Variants in DLG2 observed in about 807,000 individuals in gnomAD.
DLG2 encodes discs large MAGUK scaffold protein 2, also known as disks large homolog 2.
Under a neutral mutation model 132.5 loss-of-function variants are expected in DLG2, and 45 were observed. The observed-to-expected ratio is 0.34, with a 90% CI of 0.27 to 0.44. DLG2 has a LOEUF of 0.44. Ranked by LOEUF, DLG2 falls within the 20% of genes least tolerant of loss-of-function variation. DLG2 has a pLI of 1.00. For synonymous variants in DLG2, 424 were observed against 419.6 expected, an observed-to-expected ratio of 1.01 and a Z score of -0.13; for missense variants, 1,045 against 1,196.9, an observed-to-expected ratio of 0.87 and a Z score of 1.87.
chr11:84,358,669 G>C (rs929976081), intron 7 of DLG2, among the ~76,000 whole-genome samples: 1 of 151,794 alleles, frequency 6.6e-6, no homozygotes, highest in African/African-American at 2.4e-5. Context: ...GAAGAGGTGA[G>C]ACATAGTGTC....
In DLG2 at chr11:85,161,662, A is replaced by G. The variant is rs189692581; in HGVS notation, c.187-7011T>C. Among the ~76,000 whole-genome samples, 405 of 152,290 alleles carry G rather than the reference A, an allele frequency of 2.7e-3. 1 individual carries two copies. The highest frequency in any genetic ancestry group is 4.5e-3 in the Non-Finnish European group (307 of 68,020). Reference sequence around the variant, plus strand: ...TGCCTCTGACCAAGGCACTCACTTTACAGCTAAAGAACTGTGATTGTGGGC... The same window carrying G: ...TGCCTCTGACCAAGGCACTCACTTTGCAGCTAAAGAACTGTGATTGTGGGC... On this transcript the variant is annotated intron_variant, in intron 4 of 27. Transcript: ENST00000376104.
chr11:84,171,470 A>G (rs1292214637), intron 8 of DLG2, among the ~76,000 whole-genome samples: 1 of 152,146 alleles, frequency 6.6e-6, no homozygotes, highest in African/African-American at 2.4e-5. Context: ...ATAAGTGAGA[A>G]TATGTGGTAT....
rs150319387 is a variant in DLG2, at chr11:85,371,426, T to C, written c.41-86061A>G. Among the ~76,000 whole-genome samples the C allele has an allele frequency of 4.4e-4, 67 of 152,348 alleles. 1 individual carries two copies. The East Asian group carries it at 0.012, about 26-fold the overall frequency. ...TTGGTTACTCTCTGCCTGGTTCCTC[T>C]AGAATTTAGAAACTATCTGTGAGTA... is the stretch of plus-strand genomic sequence containing the variant. On this transcript the variant is annotated intron_variant, in intron 3 of 27. Transcript: ENST00000376104.
chr11:83,824,279 C>G (rs1214249002), intron 17 of DLG2, among the ~76,000 whole-genome samples: 2 of 152,122 alleles, frequency 1.3e-5, no homozygotes, highest in Non-Finnish European at 1.5e-5. Context: ...TAAGGATGGT[C>G]TCTTCTTTAC....
At chr11:84,875,794 T>C (rs1360856412) in intron 6 of DLG2, among the ~76,000 whole-genome samples, 3 of 152,168 alleles carry the variant, frequency 2.0e-5, no homozygotes, top group Non-Finnish European at 4.4e-5. Flanking sequence ...TGGAGTACAG[T>C]GGTGGCGATC....
intron 9 of DLG2, among the ~76,000 whole-genome samples, chr11:84,142,101 A>C (rs955368642): frequency 6.6e-6 from 1 of 152,042 alleles, no homozygotes; most frequent in Non-Finnish European, 1.5e-5. Context: ...CAAGAGATCG[A>C]GACCATCCTG....
intron 6 of DLG2, among the ~76,000 whole-genome samples, chr11:84,661,508 T>C (rs142716421): frequency 1.5e-3 from 223 of 152,312 alleles, no homozygotes; most frequent in African/African-American, 5.3e-3. Context: ...GTAAAGTGCA[T>C]CTTAAAACTA....
intron 8 of DLG2, among the ~76,000 whole-genome samples, chr11:84,214,215 A>T (rs910673690): frequency 1.4e-5 from 2 of 146,646 alleles, no homozygotes; most frequent in Non-Finnish European, 1.5e-5. Flanking sequence ...ACATATATAT[A>T]TGAATACATA....
chr11:85,281,159 C>CA (rs1290878224), intron 4 of DLG2, among the ~76,000 whole-genome samples: 2 of 151,790 alleles, frequency 1.3e-5, no homozygotes, highest in Non-Finnish European at 1.5e-5. Context: ...GATGAAATTT[C>CA]AAAAAACGGT....
chr11:84,313,641 A>AAAAGAAAGAAACAAAGAAAG lies in DLG2; in HGVS notation c.520-62351_520-62350insCTTTCTTTGTTTCTTTCTTT, dbSNP rs2098321276. On this transcript the variant is annotated intron_variant, in intron 7 of 27. Transcript: ENST00000376104. ...AAAAGAAAAAGAAAGGAAAGAGAGA[A>AAAAGAAAGAAACAAAGAAAG]AAAGAAAGAAAGAAAGAAAGAAAGA... is the stretch of plus-strand genomic sequence containing the variant. 7.7e-5 allele frequency among the ~76,000 whole-genome samples: 10 copies of AAAAGAAAGAAACAAAGAAAG among 129,290 alleles called. No individual in the cohort carries two copies. The South Asian group carries it at 2.6e-3, about 34-fold the overall frequency. The allele number at this position is 129,290 out of a possible 152,430, so 84.8% of individuals were successfully genotyped here.
At chr11:84,417,971 A>C (rs780901253) in intron 7 of DLG2, among the ~76,000 whole-genome samples, 1 of 152,210 alleles carries the variant, frequency 6.6e-6, no homozygotes. Context: ...TACACTTTAC[A>C]TGTAATATAA....
intron 7 of DLG2, among the ~76,000 whole-genome samples, chr11:84,349,578 A>ACGGTCAT (rs1349816998): frequency 6.6e-5 from 10 of 152,218 alleles, no homozygotes; most frequent in Admixed American, 5.2e-4. Context: ...TATGCTTTGC[A>ACGGTCAT]CGGTCATGTA....
chr11:85,120,951 A>G (rs1245188841), intron 5 of DLG2, among the ~76,000 whole-genome samples: 1 of 152,062 alleles, frequency 6.6e-6, no homozygotes, highest in African/African-American at 2.4e-5. Flanking sequence ...CTTTTAACTC[A>G]GATCTTAACC....
intron 8 of DLG2, among the ~76,000 whole-genome samples, chr11:84,223,419 C>A (rs1235387692): frequency 6.6e-6 from 1 of 152,064 alleles, no homozygotes; most frequent in Admixed American, 6.6e-5. Flanking sequence ...ACTTTTATTA[C>A]CCTACGTACA....
intron 16 of DLG2, among the ~76,000 whole-genome samples, chr11:83,873,634 T>C (rs947241189): frequency 1.3e-5 from 2 of 152,186 alleles, no homozygotes; most frequent in African/African-American, 4.8e-5. Context: ...TTTATCAGCA[T>C]CGTGAAAATG....
intron 18 of DLG2, among the ~76,000 whole-genome samples, chr11:83,735,685 G>A (rs1171180143): frequency 6.6e-6 from 1 of 152,070 alleles, no homozygotes; most frequent in Non-Finnish European, 1.5e-5. Flanking sequence ...CTTCCCACAC[G>A]TACATTTTGC....
chr11:84,449,645 T>C (rs946290620), intron 7 of DLG2, among the ~76,000 whole-genome samples: 13 of 151,864 alleles, frequency 8.6e-5, no homozygotes, highest in African/African-American at 2.9e-4. Flanking sequence ...ATTTCCTTAG[T>C]ATTGGTCTAA....
chr11:84,242,590 G>C (rs368159689), intron 8 of DLG2, among the ~76,000 whole-genome samples: 1 of 151,970 alleles, frequency 6.6e-6, no homozygotes, highest in African/African-American at 2.4e-5. Flanking sequence ...ATTTTTATTA[G>C]AGACACGGTT....
At chr11:83,673,691 T>C (rs1321804656) in intron 18 of DLG2, among the ~76,000 whole-genome samples, 1 of 152,146 alleles carries the variant, frequency 6.6e-6, no homozygotes, top group Admixed American at 6.6e-5. Flanking sequence ...TTGTGGGAAA[T>C]GGTGGGTATC....
Sources: allele counts gnomAD v4.1 joint callset (sites outside exome capture counted in the v4.1 genomes callset), GRCh38; gene constraint gnomAD v4.1.1; transcripts MANE v1.5; gene names NCBI Gene and HGNC (gene_info 2026-07-23, HGNC 2026-07-21).